IRAG1: variants seen among roughly 807,000 people sequenced by gnomAD.
IRAG1 encodes the protein inositol 1,4,5-triphosphate receptor associated 1, also known as IP3R-associated cGMP kinase substrate.
Under a neutral mutation model 106.2 loss-of-function variants are expected in IRAG1, and 62 were observed. The ratio of observed to expected loss-of-function variants is 0.58; its 90% CI spans 0.48 to 0.72. IRAG1 has a LOEUF of 0.72. Ranked by LOEUF, IRAG1 falls within the 30% of genes least tolerant of loss-of-function variation. The pLI is 0.00. For synonymous variants in IRAG1, 462 were observed against 443.9 expected (o/e 1.04, Z -0.51); for missense variants, 1,064 against 1,140.7 (o/e 0.93, Z 0.97).
chr11:10,646,512 G>A (rs888943774), intron 2 of IRAG1, among the ~76,000 whole-genome samples: 6 of 152,154 alleles, frequency 3.9e-5, no homozygotes, highest in African/African-American at 9.7e-5. Flanking sequence ...ACAGGAGGAA[G>A]GCCAGCACCT....
At chr11:10,667,903 C>G (rs1055462568) in intron 1 of IRAG1, among the ~76,000 whole-genome samples, 1 of 152,202 alleles carries the variant, frequency 6.6e-6, no homozygotes, top group African/African-American at 2.4e-5. Flanking sequence ...GCTGGAGAAG[C>G]CCTCGTCCAC....
In IRAG1 at chr11:10,647,808, T is replaced by C. The variant is rs1858089463; in HGVS notation, c.225+4217A>G. 6.6e-6 allele frequency among the ~76,000 whole-genome samples: 1 copy of C among 152,168 alleles called. No individual in the cohort carries two copies. The highest frequency in any genetic ancestry group is 1.5e-5 in the Non-Finnish European group (1 of 68,026). ...ACAGTAAGGCGGAGATGGGCTGGTATGTGTCCTGAGCGGAGGTTAGGAAGG... is the reference window on the plus strand; with the variant it reads ...ACAGTAAGGCGGAGATGGGCTGGTACGTGTCCTGAGCGGAGGTTAGGAAGG... On this transcript the variant is annotated intron_variant, in intron 2 of 20. Transcript: ENST00000423302. This position sits in a 1 kb window ranked among gnomAD's most constrained non-coding sequence, Gnocchi z 4.3.
chr11:10,627,855 C>CA, intron 7 of IRAG1, 95 bp from the exon 8 acceptor site: 1 of 1,585,620 alleles, frequency 6.3e-7, no homozygotes, highest in Non-Finnish European at 8.6e-7. Flanking sequence ...CAGTGGTGTT[C>CA]ATGCCCTCCA....
intron 1 of IRAG1, among the ~76,000 whole-genome samples, chr11:10,677,851 G>A (rs1031170346): frequency 3.3e-5 from 5 of 152,176 alleles, no homozygotes; most frequent in Non-Finnish European, 5.9e-5. Context: ...AACCGGTTCT[G>A]GATAGTTATA....
At chr11:10,675,092 G>A (rs895796395) in intron 1 of IRAG1, among the ~76,000 whole-genome samples, 5 of 152,216 alleles carry the variant, frequency 3.3e-5, no homozygotes, top group Admixed American at 6.5e-5. Flanking sequence ...CTGGGAAACA[G>A]CCCCTGGGCT....
chr11:10,612,016 G>A (rs1474381390), intron 10 of IRAG1, among the ~76,000 whole-genome samples: 1 of 152,190 alleles, frequency 6.6e-6, no homozygotes, highest in Non-Finnish European at 1.5e-5. Flanking sequence ...ATGATATGAA[G>A]GGATTTACAA....
Position 10,574,412 on chromosome 11 carries a change from G to A in IRAG1, c.*1920C>T, listed in dbSNP as rs1330053151. The A allele has an allele frequency of 1.3e-5, 2 of 152,116 alleles. No homozygotes were observed. Among genetic ancestry groups the A allele is most frequent in the East Asian group, 3.9e-4 (2 of 5,192 alleles). 9.4% of individuals were successfully genotyped at this position (152,116 alleles called of 1,614,324 possible). On this transcript the variant is annotated 3_prime_UTR_variant, in exon 21 of 21. Coordinates refer to ENST00000423302, the MANE Select transcript of IRAG1 (RefSeq NM_130385.4). Reference sequence around the variant, plus strand: ...AGGCACTTACCCAAGAGATGGGTAAGACATGGTTCTTGTCTTTGAGGAAAA... The same window carrying A: ...AGGCACTTACCCAAGAGATGGGTAAAACATGGTTCTTGTCTTTGAGGAAAA...
chr11:10,628,654 G>T lies in IRAG1; in HGVS notation c.652+97C>A. ...AGGGGCCATCAGAGTTCTTGAAGGG[G>T]AAGCCTGCAGGCTGGGAGGCATGCT... On this transcript the variant is annotated intron_variant, in intron 6 of 20. Transcript: ENST00000423302. This position sits in a 1 kb window ranked among gnomAD's most constrained non-coding sequence, Gnocchi z 4.1. The T allele has an allele frequency of 9.6e-7, 1 of 1,041,650 alleles. No individual in the cohort carries two copies. Among genetic ancestry groups the T allele is most frequent in the Non-Finnish European group, 1.3e-6 (1 of 742,964 alleles). The allele number at this position is 1,041,650 out of a possible 1,614,324, so 64.5% of individuals were successfully genotyped here.
chr11:10,587,778 G>C (rs1852186831), intron 18 of IRAG1, among the ~76,000 whole-genome samples: 1 of 152,104 alleles, frequency 6.6e-6, no homozygotes, highest in African/African-American at 2.4e-5. Flanking sequence ...CGGTCACCAT[G>C]CTCTTTCAAA....
At chr11:10,612,524 G>A (rs1334739510) in intron 10 of IRAG1, among the ~76,000 whole-genome samples, 4 of 152,066 alleles carry the variant, frequency 2.6e-5, no homozygotes, top group Non-Finnish European at 4.4e-5. Context: ...GTAGGAAGGA[G>A]TCAACAAAAA....
rs1480608606 is a variant in IRAG1, at chr11:10,574,695, A to G, written c.*1637T>C. Reference sequence around the variant, plus strand: ...GTGAGTGGAGGTCCAGCACTATGAGAGAAACTGTTTAGTTGGGGAGCCAGA... The same window carrying G: ...GTGAGTGGAGGTCCAGCACTATGAGGGAAACTGTTTAGTTGGGGAGCCAGA... On this transcript the variant is annotated 3_prime_UTR_variant, in exon 21 of 21. Transcript: ENST00000423302. 6.6e-6 allele frequency: 1 copy of G among 152,164 alleles called. No individual in the cohort carries two copies. The highest frequency in any genetic ancestry group is 2.4e-5 in the African/African-American group (1 of 41,422). The allele number at this position is 152,164 out of a possible 1,614,324, so 9.4% of individuals were successfully genotyped here.
intron 11 of IRAG1, among the ~76,000 whole-genome samples, chr11:10,607,359 T>C (rs1456435200): frequency 1.3e-5 from 2 of 152,142 alleles, no homozygotes; most frequent in Non-Finnish European, 2.9e-5. Context: ...AGGGTTCTTC[T>C]CCACAGCAAG....
At chr11:10,588,135 A>T (rs936754235) in intron 18 of IRAG1, among the ~76,000 whole-genome samples, 1 of 152,328 alleles carries the variant, frequency 6.6e-6, no homozygotes. Flanking sequence ...TCAGTGCAGT[A>T]AATAGTTAAC....
chr11:10,693,628 C>T lies in IRAG1; in HGVS notation c.-26G>A, dbSNP rs1222491649. The T allele has an allele frequency of 1.1e-4, 163 of 1,534,128 alleles. No individual in the cohort carries two copies. The highest frequency in any genetic ancestry group is 1.3e-4 in the Non-Finnish European group (150 of 1,146,728). The stretch of plus-strand genomic sequence containing the variant: ...TTAAGGTCAATGTTACATCTGGCTC[C>T]GGAGCTCAGAGCCGAGAAGCCTCTG... On this transcript the variant is annotated 5_prime_UTR_variant, in exon 1 of 21. Coordinates refer to ENST00000423302, the MANE Select transcript of IRAG1 (RefSeq NM_130385.4).
At chr11:10,651,903 C>T in intron 2 of IRAG1, 122 bp downstream of exon 2, 1 of 1,179,152 alleles carries the variant, frequency 8.5e-7, no homozygotes, top group East Asian at 2.6e-5. Flanking sequence ...CTCCAGGTAC[C>T]CACTGCAACC....
In IRAG1 at chr11:10,665,857, G is replaced by A. The variant is rs572797133; in HGVS notation, c.68-13675C>T. Among the ~76,000 whole-genome samples, 5 of 152,326 alleles carry A rather than the reference G, an allele frequency of 3.3e-5. No homozygotes were observed. The East Asian group carries it at 9.6e-4, about 29-fold the overall frequency. On this transcript the variant is annotated intron_variant, in intron 1 of 20. Transcript: ENST00000423302. This position sits in a 1 kb window ranked among gnomAD's most constrained non-coding sequence, Gnocchi z 4.2. ...AAGACACGTGATAAAGTAAAAGTGAGCAGTCCCTTGGTTATCCAGATGTAT... is the reference window on the plus strand; with the variant it reads ...AAGACACGTGATAAAGTAAAAGTGAACAGTCCCTTGGTTATCCAGATGTAT...
chr11:10,690,778 G>C (rs968742349), intron 1 of IRAG1, among the ~76,000 whole-genome samples: 4 of 152,138 alleles, frequency 2.6e-5, no homozygotes, highest in African/African-American at 9.7e-5. Context: ...CTAACATGAG[G>C]CTTAAATTAA....
At chr11:10,677,814 G>C (rs1239032073) in intron 1 of IRAG1, among the ~76,000 whole-genome samples, 1 of 152,148 alleles carries the variant, frequency 6.6e-6, no homozygotes, top group South Asian at 2.1e-4. Flanking sequence ...TGCCAACCAC[G>C]AATCTGCTTT....
chr11:10,651,496 T>A (rs1858502248), intron 2 of IRAG1, among the ~76,000 whole-genome samples: 2 of 152,260 alleles, frequency 1.3e-5, no homozygotes, highest in African/African-American at 4.8e-5. Flanking sequence ...TCTGTATAGC[T>A]AAAAATAGCT....
Sources: allele counts gnomAD v4.1 joint callset (sites outside exome capture counted in the v4.1 genomes callset), GRCh38; gene constraint gnomAD v4.1.1; non-coding constraint Gnocchi (gnomAD v3.1); transcripts MANE v1.5; gene names NCBI Gene and HGNC (gene_info 2026-07-23, HGNC 2026-07-21).